The following MAPKAP1 variants were observed in gnomAD, a reference collection of about 807,000 sequenced individuals.
MAPKAP1 encodes the protein MAPK associated protein 1, also known as target of rapamycin complex 2 subunit MAPKAP1.
MAPKAP1 carries 20 observed loss-of-function variants against 65.7 expected under a neutral mutation model. The observed-to-expected ratio is 0.30, with a 90% CI of 0.21 to 0.44. MAPKAP1 has a LOEUF of 0.44. Among genes scored for constraint, MAPKAP1 ranks in the 20% least tolerant of loss-of-function variants. The probability of loss-of-function intolerance (pLI) is 1.00; values close to 1 mark genes in which losing one functional copy is unlikely to be tolerated. For synonymous variants in MAPKAP1, 222 were observed against 244.3 expected (o/e 0.91, Z 0.85); for missense variants, 423 against 648.0 (o/e 0.65, Z 3.77).
At chr9:125,451,687 T>G (rs13299008) in intron 10 of MAPKAP1, among the ~76,000 whole-genome samples, 40,425 of 152,070 alleles carry the variant, frequency 0.27, 6,645 homozygotes, top group Non-Finnish European at 0.37. Flanking sequence ...CACGTTTATC[T>G]TCCGTCCCTC....
intron 4 of MAPKAP1, among the ~76,000 whole-genome samples, chr9:125,586,232 C>T (rs1230896198): frequency 6.6e-6 from 1 of 152,168 alleles, no homozygotes; most frequent in African/African-American, 2.4e-5. Context: ...GTTTCCTTCA[C>T]TACCACACAG....
chr9:125,494,482 A>T (rs1854863184), intron 8 of MAPKAP1, among the ~76,000 whole-genome samples: 1 of 152,186 alleles, frequency 6.6e-6, no homozygotes, highest in Admixed American at 6.5e-5. Flanking sequence ...GACTTTCCAC[A>T]TGGAGATTTC....
chr9:125,593,140 C>A (rs1434818864), intron 4 of MAPKAP1, among the ~76,000 whole-genome samples: 1 of 151,560 alleles, frequency 6.6e-6, no homozygotes, highest in Non-Finnish European at 1.5e-5. Flanking sequence ...ACTAAATATA[C>A]TAAAAATACA....
At chr9:125,531,084 T>A (rs1487665116) in intron 7 of MAPKAP1, among the ~76,000 whole-genome samples, 2 of 152,138 alleles carry the variant, frequency 1.3e-5, no homozygotes, top group Non-Finnish European at 2.9e-5. Context: ...GGGACTGGGG[T>A]TGGTTTGGTT....
chr9:125,686,708 G>C (rs1397990704), intron 1 of MAPKAP1, among the ~76,000 whole-genome samples: 1 of 152,214 alleles, frequency 6.6e-6, no homozygotes, highest in Non-Finnish European at 1.5e-5. Flanking sequence ...AGAGGTACGA[G>C]GAATCTCTTT....
intron 4 of MAPKAP1, among the ~76,000 whole-genome samples, chr9:125,654,267 C>T (rs1362387286): frequency 6.6e-6 from 1 of 152,188 alleles, no homozygotes; most frequent in Non-Finnish European, 1.5e-5. Flanking sequence ...ATTGTCTCAA[C>T]CTCTAGAATA....
chr9:125,530,346 T>C (rs1161958999), intron 7 of MAPKAP1, among the ~76,000 whole-genome samples: 2 of 152,250 alleles, frequency 1.3e-5, no homozygotes, highest in Non-Finnish European at 2.9e-5. Context: ...CTGTCTGTAA[T>C]TATAGAATCA....
chr9:125,529,241 C>G (rs1829866966), intron 7 of MAPKAP1, among the ~76,000 whole-genome samples: 1 of 150,402 alleles, frequency 6.6e-6, no homozygotes, highest in South Asian at 2.1e-4. Context: ...TAACAAAAGC[C>G]AGAGCAAGAA....
At chr9:125,688,781 G>C (rs1835066572) in intron 1 of MAPKAP1, among the ~76,000 whole-genome samples, 2 of 152,252 alleles carry the variant, frequency 1.3e-5, no homozygotes, top group South Asian at 4.2e-4. Flanking sequence ...ACAAAGCTAT[G>C]AGGTAGATTC....
intron 4 of MAPKAP1, among the ~76,000 whole-genome samples, chr9:125,637,434 T>C (rs1833457051): frequency 6.6e-6 from 1 of 152,012 alleles, no homozygotes; most frequent in African/African-American, 2.4e-5. Flanking sequence ...GCCAGATGTA[T>C]GAAAAAATTA....
rs1378658926 is a variant in MAPKAP1, at chr9:125,678,308, T to C, written c.-69-5665A>G. Among the ~76,000 whole-genome samples the C allele has an allele frequency of 2.6e-5, 4 of 152,006 alleles. No homozygotes were observed. The South Asian group carries it at 6.2e-4, about 24-fold the overall frequency. Reference sequence around the variant, plus strand: ...CACCCAGGCTGGAGTGCAGTGGCTATCTCTGCTCACTGCAAGCTCCGCCTC... The same window carrying C: ...CACCCAGGCTGGAGTGCAGTGGCTACCTCTGCTCACTGCAAGCTCCGCCTC... On this transcript the variant is annotated intron_variant, in intron 1 of 11. Coordinates refer to ENST00000265960, the MANE Select transcript of MAPKAP1 (RefSeq NM_001006617.3).
At chr9:125,601,028 TAAAGA>T (rs1392139058) in intron 4 of MAPKAP1, among the ~76,000 whole-genome samples, 1 of 152,112 alleles carries the variant, frequency 6.6e-6, no homozygotes, top group Non-Finnish European at 1.5e-5. Context: ...TTTTAAACCA[TAAAGA>T]AGAGTTACAT....
chr9:125,554,028 C>A (rs546952941), intron 6 of MAPKAP1, among the ~76,000 whole-genome samples: 6 of 152,088 alleles, frequency 3.9e-5, no homozygotes, highest in East Asian at 1.9e-4. Flanking sequence ...CAGAGCAATA[C>A]CCTATCTCAA....
intron 2 of MAPKAP1, among the ~76,000 whole-genome samples, chr9:125,671,103 T>G (rs1020470602): frequency 1.3e-5 from 2 of 152,190 alleles, no homozygotes; most frequent in African/African-American, 2.4e-5. Context: ...AGCAGCATTC[T>G]CCCACTGAAA....
At chr9:125,445,247 C>A (rs541915197) in intron 10 of MAPKAP1, among the ~76,000 whole-genome samples, 1 of 152,192 alleles carries the variant, frequency 6.6e-6, no homozygotes. Context: ...CTCCATGCCC[C>A]GTCCTACCAC....
At chr9:125,492,704 C>A (rs945754732) in intron 8 of MAPKAP1, among the ~76,000 whole-genome samples, 5 of 152,174 alleles carry the variant, frequency 3.3e-5, no homozygotes, top group Admixed American at 2.6e-4. Context: ...TTCAAGGAGT[C>A]TTACACCAAG....
intron 4 of MAPKAP1, among the ~76,000 whole-genome samples, chr9:125,637,833 C>A (rs1056182872): frequency 6.6e-6 from 1 of 152,178 alleles, no homozygotes; most frequent in Non-Finnish European, 1.5e-5. Context: ...AGTGCAGTGG[C>A]GCAGTCTCAG....
At chr9:125,516,982 A>G (rs535678779) in intron 7 of MAPKAP1, among the ~76,000 whole-genome samples, 2 of 152,208 alleles carry the variant, frequency 1.3e-5, no homozygotes, top group Non-Finnish European at 2.9e-5. Flanking sequence ...CGTGCTTTCC[A>G]TGCATTTGCT....
chr9:125,462,979 TC>T (rs1853552920), intron 10 of MAPKAP1, among the ~76,000 whole-genome samples: 1 of 152,214 alleles, frequency 6.6e-6, no homozygotes, highest in African/African-American at 2.4e-5. Context: ...TAAGGCAGGT[TC>T]AAAGGTCACA....
Sources: gnomAD v4.1 joint callset for allele counts (sites outside exome capture counted in the v4.1 genomes callset) on GRCh38, gnomAD v4.1.1 for gene constraint, MANE v1.5 for transcripts, NCBI Gene and HGNC (gene_info 2026-07-23, HGNC 2026-07-21) for gene names.